The following EIF4G3 variants were observed in gnomAD, a reference collection of about 807,000 sequenced individuals.
EIF4G3 encodes eIF-4-gamma 3.
A neutral mutation model predicts 186.4 loss-of-function variants in EIF4G3; 34 were observed. The observed-to-expected ratio is 0.18, with a 90% CI of 0.14 to 0.24. EIF4G3 has a LOEUF of 0.24. EIF4G3 is among the 10% of genes least tolerant of loss of function. The pLI is 1.00. For missense variants in EIF4G3, 1,536 were observed against 1,948.5 expected, an observed-to-expected ratio of 0.79 and a Z score of 3.99; for synonymous variants, 673 against 679.5, an observed-to-expected ratio of 0.99 and a Z score of 0.15.
chr1:20,928,402 A>G (rs1011749657), intron 14 of EIF4G3, among the ~76,000 whole-genome samples: 6 of 152,038 alleles, frequency 3.9e-5, no homozygotes, highest in African/African-American at 1.4e-4. Context: ...CCACCATATC[A>G]TACTCATTTT....
intron 17 of EIF4G3, among the ~76,000 whole-genome samples, chr1:20,894,648 C>T (rs1228171674): frequency 1.3e-5 from 2 of 152,158 alleles, no homozygotes; most frequent in East Asian, 3.8e-4. Flanking sequence ...AGGCATAAAT[C>T]GGTTAAGAGG....
At chr1:20,861,221 G>C (rs1462595769) in intron 23 of EIF4G3, among the ~76,000 whole-genome samples, 3 of 152,182 alleles carry the variant, frequency 2.0e-5, no homozygotes, top group African/African-American at 7.2e-5. Context: ...GGGTGGAGGA[G>C]AAATAAGAGG....
intron 2 of EIF4G3, among the ~76,000 whole-genome samples, chr1:21,117,844 T>C (rs2096856257): frequency 6.6e-6 from 1 of 151,556 alleles, no homozygotes; most frequent in Non-Finnish European, 1.5e-5. Flanking sequence ...AGGACGAAGA[T>C]TGCATGAACA....
At chr1:21,171,493 A>T (rs2097968303) in intron 2 of EIF4G3, among the ~76,000 whole-genome samples, 1 of 152,210 alleles carries the variant, frequency 6.6e-6, no homozygotes, top group African/African-American at 2.4e-5. Flanking sequence ...GGCTGAATCT[A>T]ACATTAACAA....
chr1:21,023,349 G>C (rs924382655), intron 4 of EIF4G3, among the ~76,000 whole-genome samples: 2 of 148,282 alleles, frequency 1.3e-5, no homozygotes, highest in Non-Finnish European at 3.0e-5. Flanking sequence ...CTGCCATCTC[G>C]GCTCACTGCA....
At chr1:21,028,817 A>G (rs1180720739) in intron 4 of EIF4G3, among the ~76,000 whole-genome samples, 1 of 152,260 alleles carries the variant, frequency 6.6e-6, no homozygotes, top group East Asian at 1.9e-4. Flanking sequence ...GTGATTACTA[A>G]AAAGATTATC....
At chr1:21,150,930 C>T (rs2102798592) in intron 2 of EIF4G3, among the ~76,000 whole-genome samples, 1 of 152,282 alleles carries the variant, frequency 6.6e-6, no homozygotes, top group South Asian at 2.1e-4. Context: ...GAGTCAGAAT[C>T]ATACCACTGC....
intron 14 of EIF4G3, among the ~76,000 whole-genome samples, chr1:20,915,198 A>G (rs2093720849): frequency 6.6e-6 from 1 of 152,204 alleles, no homozygotes; most frequent in African/African-American, 2.4e-5. Context: ...AGAAGATATC[A>G]TCAGGTCTGT....
intron 14 of EIF4G3, among the ~76,000 whole-genome samples, chr1:20,928,522 C>G (rs1334101427): frequency 1.3e-5 from 2 of 151,950 alleles, no homozygotes; most frequent in African/African-American, 4.8e-5. Context: ...CCTGTCTCAG[C>G]CTCCTGAGTA....
intron 3 of EIF4G3, among the ~76,000 whole-genome samples, chr1:21,069,727 C>T (rs141225846): frequency 1.3e-5 from 2 of 152,032 alleles, no homozygotes; most frequent in African/African-American, 4.8e-5. Context: ...AAAGGCCAAA[C>T]AGAAAAAAGA....
At chr1:20,953,983 A>C (rs1309137298) in intron 12 of EIF4G3, among the ~76,000 whole-genome samples, 2 of 152,238 alleles carry the variant, frequency 1.3e-5, no homozygotes, top group Non-Finnish European at 2.9e-5. Context: ...AAAAGAGACA[A>C]TATGGCTGCA....
chr1:21,075,160 C>A (rs2095547816), intron 3 of EIF4G3, among the ~76,000 whole-genome samples: 1 of 152,108 alleles, frequency 6.6e-6, no homozygotes, highest in African/African-American at 2.4e-5. Context: ...TAGTACTTAT[C>A]TATCAATAAT....
intron 7 of EIF4G3, among the ~76,000 whole-genome samples, chr1:20,996,896 T>C (rs2082409027): frequency 1.3e-5 from 2 of 152,226 alleles, no homozygotes; most frequent in South Asian, 2.1e-4. Flanking sequence ...TACTGGGGGG[T>C]TGGAGGGAGA....
At chr1:21,132,495 G>C (rs1351374397) in intron 2 of EIF4G3, among the ~76,000 whole-genome samples, 1 of 152,130 alleles carries the variant, frequency 6.6e-6, no homozygotes, top group Non-Finnish European at 1.5e-5. Context: ...CCAGGCTAGA[G>C]TGCAGTGGTG....
chr1:21,098,170 CAA>C (rs2096422280), intron 2 of EIF4G3, among the ~76,000 whole-genome samples: 1 of 151,946 alleles, frequency 6.6e-6, no homozygotes, highest in African/African-American at 2.4e-5. Context: ...GTTATAAGAA[CAA>C]AGAGACAGGA....
rs749422333 is a variant in EIF4G3 at position 20,973,111 on chromosome 1, G to C, written c.494-12C>G. The C allele has an allele frequency of 6.2e-7, 1 of 1,601,990 alleles. No homozygotes were observed. Among genetic ancestry groups the C allele is most frequent in the East Asian group, 2.2e-5 (1 of 44,694 alleles). On this transcript the variant is annotated splice_polypyrimidine_tract_variant and intron_variant, in intron 10 of 36. Transcript: ENST00000602326. ...GTAAAAAGGCGTTCCTAAAAAGTTG[G>C]AAAAAATTAAATAGGCATTCAGTTA...
At chr1:20,828,673 G>A (rs1388452364) in intron 31 of EIF4G3, among the ~76,000 whole-genome samples, 2 of 152,166 alleles carry the variant, frequency 1.3e-5, no homozygotes, top group African/African-American at 4.8e-5. Context: ...TCTATATAAC[G>A]TAGCATCCAT....
At chr1:20,829,315 C>T (rs1328079490) in intron 30 of EIF4G3, 43 bp from the exon 31 acceptor site, 2 of 1,599,342 alleles carry the variant, frequency 1.3e-6, no homozygotes, top group East Asian at 4.5e-5. Context: ...AAATGTAATT[C>T]AAAAGTTAAA....
intron 14 of EIF4G3, among the ~76,000 whole-genome samples, chr1:20,908,631 G>A (rs940473214): frequency 6.6e-6 from 1 of 152,066 alleles, no homozygotes; most frequent in Non-Finnish European, 1.5e-5. Context: ...CCCCATAAAT[G>A]GAAGAGTCTC....
Sources: allele counts gnomAD v4.1 joint callset (sites outside exome capture counted in the v4.1 genomes callset), GRCh38; gene constraint gnomAD v4.1.1; transcripts MANE v1.5; gene names NCBI Gene and HGNC (gene_info 2026-07-23, HGNC 2026-07-21).